DMD: variants seen among roughly 807,000 people sequenced by gnomAD.
DMD encodes dystrophin.
Under a neutral mutation model 330.1 loss-of-function variants are expected in DMD, and 63 were observed. The observed-to-expected ratio is 0.19, with a 90% CI of 0.16 to 0.24. The LOEUF (loss-of-function observed/expected upper bound fraction) is 0.24. DMD is among the 10% of genes least tolerant of loss of function. The probability of loss-of-function intolerance (pLI) is 1.00; values close to 1 mark genes in which losing one functional copy is unlikely to be tolerated. For missense variants in DMD, 3,344 were observed against 2,684.1 expected (o/e 1.25, Z -5.43); for synonymous variants, 1,223 against 959.8 (o/e 1.27, Z -5.07).
At chrX:31,144,278 T>C (rs920859995) in intron 76 of DMD, among the ~76,000 whole-genome samples, 1 of 111,364 alleles carries the variant, frequency 9.0e-6, no homozygotes, top group African/African-American at 3.3e-5. Context: ...TCCATCCTGA[T>C]CTACCACTGT....
intron 55 of DMD, among the ~76,000 whole-genome samples, chrX:31,600,946 T>A (rs2077335442): frequency 9.1e-6 from 1 of 110,093 alleles, no homozygotes; most frequent in Non-Finnish European, 1.9e-5. Context: ...CCCTGCCCAA[T>A]CCTGAGTATG....
intron 34 of DMD, among the ~76,000 whole-genome samples, chrX:32,372,758 T>C (rs886095370): frequency 1.8e-5 from 2 of 111,883 alleles, no homozygotes; most frequent in African/African-American, 6.5e-5. Flanking sequence ...GCAATTAGCA[T>C]TAATAATTTA....
intron 62 of DMD, among the ~76,000 whole-genome samples, chrX:31,314,834 A>C (rs2055878055): frequency 9.5e-6 from 1 of 105,706 alleles, no homozygotes; most frequent in Non-Finnish European, 1.9e-5. Context: ...CCCTCTCCCT[A>C]CCCCCTACTC....
intron 44 of DMD, among the ~76,000 whole-genome samples, chrX:32,037,256 C>G (rs2095955941): frequency 8.9e-6 from 1 of 111,832 alleles, no homozygotes; most frequent in African/African-American, 3.2e-5. Flanking sequence ...AAAATCATGT[C>G]TTCATGAGCA....
At chrX:32,788,503 A>G (rs371367440) in intron 7 of DMD, among the ~76,000 whole-genome samples, 4 of 111,935 alleles carry the variant, frequency 3.6e-5, no homozygotes, top group African/African-American at 9.7e-5. Flanking sequence ...CCTGCCTTGT[A>G]TCCTTCTGTA....
chrX:31,592,865 C>T (rs766225980), intron 55 of DMD, among the ~76,000 whole-genome samples: 3 of 110,420 alleles, frequency 2.7e-5, no homozygotes, highest in South Asian at 3.8e-4. Context: ...TGTCTATTCT[C>T]GAAAATAAAC....
At chrX:32,394,921 A>ACAAAACAAAAAAAAAAAAAC (rs1557326842) in intron 30 of DMD, among the ~76,000 whole-genome samples, 1 of 63,759 alleles carries the variant, frequency 1.6e-5, no homozygotes, top group Non-Finnish European at 3.0e-5. Context: ...AAAAACAAAA[A>ACAAAACAAAAAAAAAAAAAC]AAAAAAAAAA....
intron 11 of DMD, among the ~76,000 whole-genome samples, chrX:32,636,002 C>T (rs1456365059): frequency 8.9e-6 from 1 of 111,976 alleles, no homozygotes; most frequent in African/African-American, 3.2e-5. Context: ...CCTCCAAATT[C>T]TGGTATTCCT....
intron 62 of DMD, among the ~76,000 whole-genome samples, chrX:31,298,410 TACACAC>T (rs35043650): frequency 4.1e-5 from 4 of 97,860 alleles, no homozygotes; most frequent in Non-Finnish European, 2.0e-5. Flanking sequence ...CACACACACA[TACACAC>T]ACACACACAC....
intron 2 of DMD, among the ~76,000 whole-genome samples, chrX:32,857,589 T>A (rs2081683635): frequency 8.9e-6 from 1 of 112,160 alleles, no homozygotes; most frequent in African/African-American, 3.2e-5. Flanking sequence ...TAGTTAACTG[T>A]TAACTGACAG....
At chrX:32,251,798 C>A (rs1321671536) in intron 43 of DMD, among the ~76,000 whole-genome samples, 1 of 110,729 alleles carries the variant, frequency 9.0e-6, no homozygotes, top group East Asian at 2.8e-4. Context: ...AGAAACGTAA[C>A]AAGACCCTGT....
chrX:33,301,765 C>T (rs1183125271), intron 1 of DMD, among the ~76,000 whole-genome samples: 4 of 111,111 alleles, frequency 3.6e-5, no homozygotes, highest in Non-Finnish European at 3.8e-5. Flanking sequence ...TTCTCACCAG[C>T]CTTTTTATAA....
intron 60 of DMD, among the ~76,000 whole-genome samples, chrX:31,421,883 CTT>C (rs2063380813): frequency 1.1e-5 from 1 of 89,393 alleles, no homozygotes; most frequent in African/African-American, 4.7e-5. Context: ...CTCTCTCTCT[CTT>C]TCTATATATA....
intron 55 of DMD, among the ~76,000 whole-genome samples, chrX:31,569,611 T>TACGTATATATACGTATAA (rs2075662520): frequency 9.9e-6 from 1 of 100,531 alleles, no homozygotes; most frequent in Non-Finnish European, 2.0e-5. Flanking sequence ...TATATGTATA[T>TACGTATATATACGTATAA]ACGTATATAT....
At chrX:31,885,520 G>A (rs1288488910) in intron 47 of DMD, among the ~76,000 whole-genome samples, 2 of 103,517 alleles carry the variant, frequency 1.9e-5, no homozygotes, top group African/African-American at 7.2e-5. Context: ...TGAGGCAGGA[G>A]AATGGTGTGA....
chrX:31,785,396 T>A (rs1355840372), intron 50 of DMD, among the ~76,000 whole-genome samples: 1 of 111,990 alleles, frequency 8.9e-6, no homozygotes, highest in Non-Finnish European at 1.9e-5. Flanking sequence ...CACTACTGGT[T>A]TGTACACATA....
chrX:31,396,556 T>G (rs1359578364), intron 60 of DMD, among the ~76,000 whole-genome samples: 4 of 95,933 alleles, frequency 4.2e-5, no homozygotes, highest in Admixed American at 1.1e-4. Flanking sequence ...GGGTTTTTTT[T>G]TTTTTTTTTT....
intron 42 of DMD, among the ~76,000 whole-genome samples, chrX:32,307,862 T>G (rs1346132289): frequency 2.7e-5 from 3 of 111,319 alleles, no homozygotes; most frequent in African/African-American, 9.7e-5. Flanking sequence ...TTAATATTGC[T>G]CTAAACTTCC....
intron 11 of DMD, among the ~76,000 whole-genome samples, chrX:32,621,544 C>T (rs1312872852): frequency 1.9e-5 from 2 of 107,789 alleles, no homozygotes; most frequent in Non-Finnish European, 3.8e-5. Context: ...GGCTGGTCTT[C>T]AACTCCTTAG....
Sources: gnomAD v4.1 joint callset for allele counts (sites outside exome capture counted in the v4.1 genomes callset) on GRCh38, gnomAD v4.1.1 for gene constraint, MANE v1.5 for transcripts, NCBI Gene and HGNC (gene_info 2026-07-23, HGNC 2026-07-21) for gene names.